TMEM19: variants seen among roughly 807,000 people sequenced by gnomAD.
The protein encoded by TMEM19 is transmembrane protein 19.
TMEM19 carries 21 observed loss-of-function variants against 33.6 expected under a neutral mutation model. The observed-to-expected ratio is 0.62, with a 90% CI of 0.44 to 0.90. The LOEUF is 0.90. TMEM19 is among the 40% of genes least tolerant of loss of function. The probability of loss-of-function intolerance (pLI) is 0.00; values close to 1 mark genes in which losing one functional copy is unlikely to be tolerated. For synonymous variants in TMEM19, 149 were observed against 147.5 expected (o/e 1.01, Z -0.07); for missense variants, 402 against 401.8 (o/e 1.00, Z 0.00).
At chr12:71,689,302 A>G (rs1881744531) in intron 1 of TMEM19, among the ~76,000 whole-genome samples, 1 of 152,252 alleles carries the variant, frequency 6.6e-6, no homozygotes, top group Non-Finnish European at 1.5e-5. Context: ...TTTGTAGCCT[A>G]GGACCAATAG....
chr12:71,688,304 T>C (rs1433494155), intron 1 of TMEM19, among the ~76,000 whole-genome samples: 5 of 152,160 alleles, frequency 3.3e-5, no homozygotes, highest in Admixed American at 3.3e-4. Flanking sequence ...AGTGGCACGA[T>C]CTCAGCTCAC....
rs575923934 is a variant in TMEM19, at chr12:71,699,781, C to T, written c.847+672C>T. ...AGGAGAATTGCATGAACCTGGGAGG[C>T]GGAGATTGCAGTGAGCCGAGATCAT... On this transcript the variant is annotated intron_variant, in intron 5 of 5. Transcript: ENST00000266673. The T allele has an allele frequency of 7.0e-4, 107 of 152,586 alleles. 2 individuals are homozygous for T. Among genetic ancestry groups the T allele is most frequent in the African/African-American group, 2.5e-3 (104 of 41,402 alleles). 9.5% of individuals were successfully genotyped at this position (152,586 alleles called of 1,614,324 possible).
In TMEM19 at chr12:71,698,866, T is replaced by G. The variant is rs750043573; in HGVS notation, c.638-34T>G. 9.7e-5 allele frequency: 155 copies of G among 1,602,858 alleles called. No homozygotes were observed. In the Admixed American group the frequency reaches 1.3e-3, roughly 13 times the overall value. On this transcript the variant is annotated intron_variant, in intron 4 of 5. Coordinates refer to ENST00000266673, the MANE Select transcript of TMEM19 (RefSeq NM_018279.4). ...TTGCCTTTATGTGTTTGCTGATTAT[T>G]AACCGGATGATTTTCTGCATGTTTC...
rs376179328 is a variant in TMEM19 at position 71,689,652 on chromosome 12, C to A, written c.192C>A (p.Ile64=). ...TTTCTGTTGTTGTTCCTGTTCTGAT[C>A]GTCTCTAATGGCCTTAAAAAGAAAA... is the stretch of plus-strand genomic sequence containing the variant. The part of the protein sequence containing the change: ...WLFSVVVPVL[I]VSNGLKKKSL... The change falls in exon 2 of 6, where the codon ATC becomes ATA. Residue 64 remains isoleucine (I), a synonymous_variant. Transcript: ENST00000266673. 1.9e-6 allele frequency: 3 copies of A among 1,614,028 alleles called. No homozygotes were observed. Among genetic ancestry groups the A allele is most frequent in the Non-Finnish European group, 2.5e-6 (3 of 1,180,012 alleles).
chr12:71,697,572 A>G (rs1431333894), intron 4 of TMEM19, 38 bp downstream of exon 4: 1 of 1,539,712 alleles, frequency 6.5e-7, no homozygotes, highest in Non-Finnish European at 8.7e-7. Context: ...TGGTAGACAC[A>G]GTTGGTGAGT....
chr12:71,698,595 C>A (rs1433821010), intron 4 of TMEM19, among the ~76,000 whole-genome samples: 2 of 119,662 alleles, frequency 1.7e-5, no homozygotes, highest in Non-Finnish European at 3.2e-5. Flanking sequence ...AGAGCAAAAC[C>A]TTGTCTCTGA....
chr12:71,699,263 T>C, intron 5 of TMEM19, 154 bp downstream of exon 5: 1 of 760,254 alleles, frequency 1.3e-6, no homozygotes, highest in Non-Finnish European at 2.1e-6. Context: ...ATTTTGGTTT[T>C]CTTATTCTTT....
chr12:71,695,692 C>G (rs1881858925), intron 2 of TMEM19, among the ~76,000 whole-genome samples: 1 of 152,096 alleles, frequency 6.6e-6, no homozygotes, highest in African/African-American at 2.4e-5. Context: ...AAAATTATCC[C>G]TGACTTTTTA....
intron 4 of TMEM19, among the ~76,000 whole-genome samples, chr12:71,698,566 GTACTC>G (rs1423588190): frequency 2.7e-5 from 4 of 148,376 alleles, no homozygotes; most frequent in African/African-American, 9.9e-5. Context: ...TCACACCATT[GTACTC>G]TAGCCTGGTT....
At chr12:71,694,289 T>C (rs1353197739) in intron 2 of TMEM19, among the ~76,000 whole-genome samples, 1 of 152,138 alleles carries the variant, frequency 6.6e-6, no homozygotes, top group Non-Finnish European at 1.5e-5. Context: ...GCAAAGTGTT[T>C]GTGGAAGAGC....
rs1420639622 is a variant in TMEM19 at position 71,702,508 on chromosome 12, G to T, written c.*1513G>T. On this transcript the variant is annotated 3_prime_UTR_variant, in exon 6 of 6. Coordinates refer to ENST00000266673, the MANE Select transcript of TMEM19 (RefSeq NM_018279.4). ...TTTTTGTATTTTCAGTAGAGACAGG[G>T]TTTCGCCACGTTGGCTAGGCTGGTC... The T allele has an allele frequency of 6.6e-6, 1 of 152,134 alleles. No individual in the cohort carries two copies. The highest frequency in any genetic ancestry group is 1.5e-5 in the Non-Finnish European group (1 of 68,086). The allele number at this position is 152,134 out of a possible 1,614,324, so 9.4% of individuals were successfully genotyped here. A position where few individuals can be genotyped will look rare whatever the true frequency, so the allele number is the denominator to read the frequency against.
In TMEM19 at chr12:71,686,313, G is replaced by C. The variant is rs921130826; in HGVS notation, c.-368G>C. 4.0e-6 allele frequency: 1 copy of C among 247,180 alleles called. No homozygotes were observed. The highest frequency in any genetic ancestry group is 2.4e-5 in the African/African-American group (1 of 42,024). The allele number at this position is 247,180 out of a possible 1,614,324, so 15.3% of individuals were successfully genotyped here. A position where few individuals can be genotyped will look rare whatever the true frequency, so the allele number is the denominator to read the frequency against. ...CCCGGCCCGCGGGTGAGAAGGTTGC[G>C]ACGGGAGGTGGGTGGAACTCGCCAG... On this transcript the variant is annotated 5_prime_UTR_variant, in exon 1 of 6. Coordinates refer to ENST00000266673, the MANE Select transcript of TMEM19 (RefSeq NM_018279.4).
intron 1 of TMEM19, among the ~76,000 whole-genome samples, chr12:71,687,961 C>T (rs1387900785): frequency 6.6e-6 from 1 of 152,194 alleles, no homozygotes; most frequent in Non-Finnish European, 1.5e-5. Context: ...TACAGAAGCT[C>T]TCAGTGCAGT....
At position 71,686,804 on chromosome 12, in the gene TMEM19, T is replaced by C. The variant is rs1438939204; in HGVS notation, c.124T>C (p.Tyr42His). The change falls in exon 1 of 6, where the codon TAT becomes CAT. Residue 42 changes from tyrosine to histidine, a missense_variant. Physicochemically the swap from Tyr to His is moderately conservative, Grantham distance 83 (BLOSUM62 2). Transcript: ENST00000266673. ...FWIISMTAST[Y>H]YGNLRPISPW... ...GATTATATCAATGACTGCAAGCACC[T>C]ATTATGGTAAGTCTGAGTGTTCTAA... 6.2e-7 allele frequency: 1 copy of C among 1,607,852 alleles called. No individual in the cohort carries two copies. The highest frequency in any genetic ancestry group is 8.5e-7 in the Non-Finnish European group (1 of 1,177,814).
At chr12:71,698,862 T>C in intron 4 of TMEM19, 38 bp from the exon 5 acceptor site, 1 of 1,598,466 alleles carries the variant, frequency 6.3e-7, no homozygotes, top group Non-Finnish European at 8.6e-7. Flanking sequence ...TGTTTGCTGA[T>C]TATTAACCGG....
rs1343916729 is a variant in TMEM19, at chr12:71,686,561, C to T, written c.-120C>T. 8.8e-6 allele frequency: 10 copies of T among 1,132,614 alleles called. No individual in the cohort carries two copies. Among genetic ancestry groups the T allele is most frequent in the South Asian group, 1.4e-5 (1 of 69,742 alleles). The allele number at this position is 1,132,614 out of a possible 1,614,324, so 70.2% of individuals were successfully genotyped here. On this transcript the variant is annotated 5_prime_UTR_variant, in exon 1 of 6. Transcript: ENST00000266673. ...TTTGTGATTTTTATGCTTGTTTGGT[C>T]GGTGGAATATGTTGGGATTTATGTT...
At chr12:71,691,183 C>T (rs1019881622) in intron 2 of TMEM19, among the ~76,000 whole-genome samples, 11 of 152,116 alleles carry the variant, frequency 7.2e-5, no homozygotes, top group Non-Finnish European at 1.2e-4. Flanking sequence ...CAATTCTCTT[C>T]ATAATTAAGA....
chr12:71,693,013 G>A (rs1214107783), intron 2 of TMEM19, among the ~76,000 whole-genome samples: 1 of 151,818 alleles, frequency 6.6e-6, no homozygotes, highest in Non-Finnish European at 1.5e-5. Flanking sequence ...TAGGCAACGT[G>A]GTGAAACCTC....
At chr12:71,691,472 A>G (rs907536408) in intron 2 of TMEM19, among the ~76,000 whole-genome samples, 3 of 151,978 alleles carry the variant, frequency 2.0e-5, no homozygotes, top group African/African-American at 7.2e-5. Context: ...GCTTTGCTAA[A>G]AAAAGTTCTT....
Sources: gnomAD v4.1 joint callset for allele counts (sites outside exome capture counted in the v4.1 genomes callset) on GRCh38, gnomAD v4.1.1 for gene constraint, MANE v1.5 for transcripts, NCBI Gene and HGNC (gene_info 2026-07-23, HGNC 2026-07-21) for gene names.